The following DOCK3 variants were observed in gnomAD, a reference collection of about 807,000 sequenced individuals.
DOCK3 encodes dedicator of cytokinesis protein 3.
Under a neutral mutation model 265.6 loss-of-function variants are expected in DOCK3, and 60 were observed. That is an observed-to-expected ratio of 0.23 (90% CI 0.18 to 0.28). The LOEUF is 0.28. Ranked by LOEUF, DOCK3 falls within the 10% of genes least tolerant of loss-of-function variation. The pLI, the probability that DOCK3 is intolerant of heterozygous loss-of-function variation, is 1.00. For missense variants in DOCK3, 1,981 were observed against 2,594.3 expected (o/e 0.76, Z 5.14); for synonymous variants, 881 against 938.0 (o/e 0.94, Z 1.11).
At chr3:51,157,391 G>T (rs2085901860) in intron 10 of DOCK3, among the ~76,000 whole-genome samples, 1 of 151,212 alleles carries the variant, frequency 6.6e-6, no homozygotes, top group African/African-American at 2.4e-5. Context: ...GATTACAAGT[G>T]CGTGCCGCCA....
intron 27 of DOCK3, among the ~76,000 whole-genome samples, chr3:51,310,000 G>C (rs1410524706): frequency 6.6e-6 from 1 of 152,194 alleles, no homozygotes; most frequent in Non-Finnish European, 1.5e-5. Flanking sequence ...GGCACTGTGG[G>C]TATAGAGCTA....
At chr3:51,253,128 T>C (rs2079351561) in intron 22 of DOCK3, among the ~76,000 whole-genome samples, 1 of 152,138 alleles carries the variant, frequency 6.6e-6, no homozygotes, top group Admixed American at 6.5e-5. Flanking sequence ...AATCATGTGG[T>C]TTTTTGTCTT....
intron 38 of DOCK3, among the ~76,000 whole-genome samples, chr3:51,346,944 G>C (rs2085625853): frequency 6.6e-6 from 1 of 152,190 alleles, no homozygotes; most frequent in Admixed American, 6.5e-5. Flanking sequence ...CTTCTTTTGA[G>C]AAGTGTCTGT....
intron 5 of DOCK3, among the ~76,000 whole-genome samples, chr3:51,061,932 A>T (rs1165603909): frequency 6.6e-6 from 1 of 152,110 alleles, no homozygotes; most frequent in Non-Finnish European, 1.5e-5. Flanking sequence ...CAGGCCACAA[A>T]ACAAGAGTGA....
intron 1 of DOCK3, among the ~76,000 whole-genome samples, chr3:50,738,767 T>C (rs898755953): frequency 6.6e-6 from 1 of 152,216 alleles, no homozygotes; most frequent in Non-Finnish European, 1.5e-5. Flanking sequence ...CTGCCTTAAA[T>C]AAAATGTCAC....
At chr3:50,873,945 A>G (rs886174544) in intron 3 of DOCK3, among the ~76,000 whole-genome samples, 8 of 152,040 alleles carry the variant, frequency 5.3e-5, no homozygotes, top group Non-Finnish European at 8.8e-5. Context: ...CTGTGATTCA[A>G]AACTGTTTTT....
chr3:50,826,373 T>C (rs1576560906), intron 2 of DOCK3, among the ~76,000 whole-genome samples: 7 of 152,210 alleles, frequency 4.6e-5, no homozygotes, highest in Admixed American at 4.6e-4. Flanking sequence ...TTTACCCCAC[T>C]TGATACTCTT....
chr3:50,778,867 G>C, intron 2 of DOCK3, 109 bp downstream of exon 2: 1 of 693,710 alleles, frequency 1.4e-6, no homozygotes. Context: ...GCCATAATTA[G>C]TCACATGATG....
chr3:50,945,547 G>C (rs1206107892), intron 5 of DOCK3, among the ~76,000 whole-genome samples: 3 of 152,078 alleles, frequency 2.0e-5, no homozygotes, highest in African/African-American at 7.2e-5. Flanking sequence ...TGAGAAACAA[G>C]ACACAGTTCT....
chr3:51,146,433 C>A, intron 9 of DOCK3, 116 bp from the exon 10 acceptor site: 2 of 1,095,892 alleles, frequency 1.8e-6, no homozygotes, highest in Non-Finnish European at 2.6e-6. Context: ...TTTGGCCTTG[C>A]TTGTCACTGC....
At chr3:50,833,375 CCTTACT>C (rs2045310324) in intron 2 of DOCK3, among the ~76,000 whole-genome samples, 1 of 152,066 alleles carries the variant, frequency 6.6e-6, no homozygotes, top group Non-Finnish European at 1.5e-5. Flanking sequence ...CAAAAATAAA[CCTTACT>C]CTTATTCTTG....
chr3:51,108,208 T>G (rs2083369820), intron 9 of DOCK3, among the ~76,000 whole-genome samples: 1 of 152,022 alleles, frequency 6.6e-6, no homozygotes, highest in Admixed American at 6.6e-5. Context: ...ATGTTTCTAG[T>G]AGAGACAGGG....
chr3:50,792,379 G>A (rs143881844), intron 2 of DOCK3, among the ~76,000 whole-genome samples: 7 of 152,172 alleles, frequency 4.6e-5, no homozygotes, highest in African/African-American at 1.7e-4. Flanking sequence ...GGTTTTGTAG[G>A]TATAGGACAT....
At chr3:50,833,177 G>A (rs1276842259) in intron 2 of DOCK3, among the ~76,000 whole-genome samples, 1 of 152,104 alleles carries the variant, frequency 6.6e-6, no homozygotes, top group African/African-American at 2.4e-5. Flanking sequence ...TTTCTTCTGA[G>A]CAGCAGTCAG....
At chr3:51,140,631 G>A (rs1406650272) in intron 9 of DOCK3, among the ~76,000 whole-genome samples, 1 of 152,032 alleles carries the variant, frequency 6.6e-6, no homozygotes, top group Non-Finnish European at 1.5e-5. Flanking sequence ...TAGAATTTCT[G>A]GGTCATATGG....
intron 9 of DOCK3, among the ~76,000 whole-genome samples, chr3:51,123,320 C>T (rs1576159128): frequency 1.3e-5 from 2 of 152,186 alleles, no homozygotes; most frequent in South Asian, 4.1e-4. Flanking sequence ...ACTGGCCTTA[C>T]CTGCCCTACC....
At chr3:51,054,498 C>T (rs1393663377) in intron 5 of DOCK3, among the ~76,000 whole-genome samples, 2 of 152,140 alleles carry the variant, frequency 1.3e-5, no homozygotes, top group Non-Finnish European at 2.9e-5. Context: ...AGCCTAAAAG[C>T]TAATTTCTTT....
intron 27 of DOCK3, among the ~76,000 whole-genome samples, chr3:51,307,553 GT>G (rs1218104335): frequency 6.6e-6 from 1 of 151,982 alleles, no homozygotes; most frequent in African/African-American, 2.4e-5. Context: ...TTTGTAAAGT[GT>G]TTTTTTTATG....
At chr3:51,260,133 A>G (rs1218823397) in intron 22 of DOCK3, 23 bp from the exon 23 acceptor site, 1 of 1,603,426 alleles carries the variant, frequency 6.2e-7, no homozygotes, top group Non-Finnish European at 8.5e-7. Context: ...TCTCTCCATC[A>G]CTTTTTCTCC....
Sources: gnomAD v4.1 joint callset for allele counts (sites outside exome capture counted in the v4.1 genomes callset) on GRCh38, gnomAD v4.1.1 for gene constraint, MANE v1.5 for transcripts, NCBI Gene and HGNC (gene_info 2026-07-23, HGNC 2026-07-21) for gene names.